The following RYR2 variants were observed in gnomAD, a reference collection of about 807,000 sequenced individuals.
RYR2 encodes ryanodine receptor 2, also known as cardiac muscle ryanodine receptor-calcium release channel.
A neutral mutation model predicts 601.1 loss-of-function variants in RYR2; 227 were observed. That is an observed-to-expected ratio of 0.38 (90% CI 0.34 to 0.42). The LOEUF (loss-of-function observed/expected upper bound fraction) is 0.42. Among genes scored for constraint, RYR2 ranks in the 10% least tolerant of loss-of-function variants. RYR2 has a pLI of 1.00. For missense variants in RYR2, 4,646 were observed against 6,156.5 expected, an observed-to-expected ratio of 0.75 and a Z score of 8.21; for synonymous variants, 2,223 against 2,175.1, an observed-to-expected ratio of 1.02 and a Z score of -0.61.
chr1:237,402,372 G>A (rs115203459), intron 10 of RYR2, among the ~76,000 whole-genome samples: 6,316 of 149,860 alleles, frequency 0.042, 211 homozygotes, highest in Non-Finnish European at 0.069. Context: ...GGGTGGCAGA[G>A]CAAGACCCTA....
At chr1:237,124,327 T>G (rs1671165107) in intron 1 of RYR2, among the ~76,000 whole-genome samples, 1 of 152,242 alleles carries the variant, frequency 6.6e-6, no homozygotes. Context: ...GTTTCACAGT[T>G]GACCATTCGG....
At chr1:237,506,933 C>G in intron 23 of RYR2, 119 bp downstream of exon 23, 1 of 841,752 alleles carries the variant, frequency 1.2e-6, no homozygotes, top group Non-Finnish European at 1.9e-6. Context: ...TGATTTTTTT[C>G]CCCCTACACA....
chr1:237,680,841 A>G (rs1215932155), intron 62 of RYR2, among the ~76,000 whole-genome samples: 1 of 152,248 alleles, frequency 6.6e-6, no homozygotes, highest in African/African-American at 2.4e-5. Context: ...ATCTACACAT[A>G]GAGGCCGGAT....
intron 1 of RYR2, among the ~76,000 whole-genome samples, chr1:237,046,091 T>C (rs1296935723): frequency 6.6e-6 from 1 of 152,184 alleles, no homozygotes; most frequent in Non-Finnish European, 1.5e-5. Flanking sequence ...TATAGATTTC[T>C]TCTCAGTGTT....
chr1:237,400,987 C>T (rs1703302588), intron 10 of RYR2, among the ~76,000 whole-genome samples: 1 of 152,158 alleles, frequency 6.6e-6, no homozygotes, highest in African/African-American at 2.4e-5. Context: ...CCTCAAAGAA[C>T]TGTATCCCTA....
chr1:237,489,031 T>A (rs1164468315), intron 17 of RYR2, among the ~76,000 whole-genome samples: 4 of 152,198 alleles, frequency 2.6e-5, no homozygotes, highest in Non-Finnish European at 4.4e-5. Context: ...CACTCAACCC[T>A]GCCTTTGTAG....
intron 1 of RYR2, among the ~76,000 whole-genome samples, chr1:237,241,760 C>T (rs1404775700): frequency 2.0e-5 from 3 of 152,094 alleles, no homozygotes; most frequent in Non-Finnish European, 1.5e-5. Flanking sequence ...GGGTTCCTTC[C>T]CTTTTTAGAC....
chr1:237,790,424 A>T (rs1234636247), intron 92 of RYR2, among the ~76,000 whole-genome samples: 4 of 152,042 alleles, frequency 2.6e-5, no homozygotes, highest in Non-Finnish European at 5.9e-5. Flanking sequence ...TAACTTTCTA[A>T]CGGGTCCTCT....
chr1:237,594,017 C>T (rs1203976165), intron 33 of RYR2, among the ~76,000 whole-genome samples: 2 of 152,122 alleles, frequency 1.3e-5, no homozygotes, highest in African/African-American at 4.8e-5. Context: ...GGGGAGAAAA[C>T]TGTGAAGACA....
At chr1:237,639,260 A>G (rs1681201868) in intron 46 of RYR2, 59 bp downstream of exon 46, 1 of 1,418,282 alleles carries the variant, frequency 7.1e-7, no homozygotes, top group South Asian at 1.5e-5. Flanking sequence ...GAAATTTTAT[A>G]AAATATATTC....
chr1:237,307,871 T>C (rs1694032739), intron 2 of RYR2, among the ~76,000 whole-genome samples: 1 of 152,198 alleles, frequency 6.6e-6, no homozygotes. Context: ...CATTGTGCAA[T>C]AAAGTTTGCA....
intron 27 of RYR2, among the ~76,000 whole-genome samples, chr1:237,562,547 T>C (rs1339861722): frequency 2.0e-5 from 3 of 152,172 alleles, no homozygotes; most frequent in African/African-American, 7.2e-5. Context: ...CAGTCTTTGC[T>C]CAGTCCTTGG....
chr1:237,726,687 A>G (rs1033152736), intron 75 of RYR2, among the ~76,000 whole-genome samples: 1 of 152,114 alleles, frequency 6.6e-6, no homozygotes, highest in African/African-American at 2.4e-5. Flanking sequence ...GAATGAGGTA[A>G]TATTTTATGT....
intron 2 of RYR2, among the ~76,000 whole-genome samples, chr1:237,283,753 ATGGTCT>A (rs1368666697): frequency 6.6e-6 from 1 of 152,172 alleles, no homozygotes; most frequent in African/African-American, 2.4e-5. Context: ...TAGATTGATA[ATGGTCT>A]TGGTATAGTA....
At chr1:237,625,858 C>T in intron 40 of RYR2, 54 bp downstream of exon 40, 3 of 1,584,220 alleles carry the variant, frequency 1.9e-6, no homozygotes, top group South Asian at 1.1e-5. Context: ...ACACTTAACT[C>T]ATCCTTTGAA....
chr1:237,365,855 A>C (rs541452614), intron 5 of RYR2, among the ~76,000 whole-genome samples: 12 of 152,336 alleles, frequency 7.9e-5, no homozygotes, highest in African/African-American at 2.4e-4. Context: ...AAACCAGTGC[A>C]AATAGAAAGA....
chr1:237,082,745 C>G (rs1238828699), intron 1 of RYR2, among the ~76,000 whole-genome samples: 1 of 151,610 alleles, frequency 6.6e-6, no homozygotes, highest in African/African-American at 2.4e-5. Context: ...TTGGACCCTG[C>G]TAGTGTTAAG....
chr1:237,719,642 G>GGTTT (rs1689547740), intron 73 of RYR2, among the ~76,000 whole-genome samples: 1 of 152,106 alleles, frequency 6.6e-6, no homozygotes, highest in African/African-American at 2.4e-5. Flanking sequence ...TTTGCCCCGT[G>GGTTT]ATCAACTCAG....
intron 99 of RYR2, among the ~76,000 whole-genome samples, chr1:237,808,414 A>G (rs1206977354): frequency 6.6e-6 from 1 of 152,186 alleles, no homozygotes; most frequent in Non-Finnish European, 1.5e-5. Flanking sequence ...TAATCCCAGC[A>G]CTTTGAGATG....
Sources: allele counts gnomAD v4.1 joint callset (sites outside exome capture counted in the v4.1 genomes callset), GRCh38; gene constraint gnomAD v4.1.1; transcripts MANE v1.5; gene names NCBI Gene and HGNC (gene_info 2026-07-23, HGNC 2026-07-21).